The following LEMD1 variants were observed in gnomAD, a reference collection of about 807,000 sequenced individuals.
LEMD1 encodes the protein LEM domain containing 1.
In LEMD1, 18 loss-of-function variants were observed where a neutral mutation model predicts 17.4. That is an observed-to-expected ratio of 1.04 (90% CI 0.72 to 1.54). The LOEUF is 1.54. Ranked by LOEUF, LEMD1 falls within the 40% of genes most tolerant of loss-of-function variation. The pLI is 0.00. For synonymous variants in LEMD1, 88 were observed against 77.8 expected (o/e 1.13, Z -0.69); for missense variants, 195 against 210.4 (o/e 0.93, Z 0.45).
chr1:205,449,616 C>CA (rs1666460333), intron 1 of LEMD1, among the ~76,000 whole-genome samples: 1 of 150,128 alleles, frequency 6.7e-6, no homozygotes, highest in Admixed American at 6.6e-5. Context: ...CAGCACAGCA[C>CA]GCCCCTCCAC....
At chr1:205,414,558 G>A (rs1416182041) in intron 4 of LEMD1, among the ~76,000 whole-genome samples, 1 of 151,978 alleles carries the variant, frequency 6.6e-6, no homozygotes, top group Non-Finnish European at 1.5e-5. Context: ...CCAAGTAGCT[G>A]GGATCACAGG....
intron 2 of LEMD1, 113 bp from the exon 3 acceptor site, chr1:205,419,465 T>G (rs2102438341): frequency 8.2e-7 from 1 of 1,224,860 alleles, no homozygotes; most frequent in Non-Finnish European, 1.2e-6. Flanking sequence ...ACATTATTGG[T>G]TAATTATGGC....
upstream of LEMD1, among the ~76,000 whole-genome samples, chr1:205,424,270 T>C (rs1448628972): frequency 1.3e-5 from 2 of 152,214 alleles, no homozygotes; most frequent in African/African-American, 2.4e-5. Context: ...GTCTCCACTA[T>C]GCAGGCAAAA....
intron 1 of LEMD1, among the ~76,000 whole-genome samples, chr1:205,447,463 T>C (rs1666412017): frequency 6.6e-6 from 1 of 152,078 alleles, no homozygotes; most frequent in African/African-American, 2.4e-5. Context: ...TTAGACAGAC[T>C]GGGGACTGGA....
At chr1:205,425,184 CT>C (rs1283192343), upstream of LEMD1, among the ~76,000 whole-genome samples, 1 of 152,114 alleles carries the variant, frequency 6.6e-6, no homozygotes, top group African/African-American at 2.4e-5. Flanking sequence ...CTGCACTTGT[CT>C]AGTCAACCCT....
intron 1 of LEMD1, among the ~76,000 whole-genome samples, chr1:205,430,928 TC>T (rs747278210): frequency 5.6e-4 from 85 of 152,232 alleles, no homozygotes; most frequent in Non-Finnish European, 9.0e-4. Flanking sequence ...CCTTCACACT[TC>T]CCCTCACCCC....
At chr1:205,425,963 C>T (rs918473067), upstream of LEMD1, among the ~76,000 whole-genome samples, 1 of 152,064 alleles carries the variant, frequency 6.6e-6, no homozygotes, top group Admixed American at 6.6e-5. Context: ...GTTTCCTCTG[C>T]AGTGCCTGGA....
intron 4 of LEMD1, among the ~76,000 whole-genome samples, chr1:205,412,827 G>A (rs1574983402): frequency 6.6e-6 from 1 of 152,152 alleles, no homozygotes; most frequent in African/African-American, 2.4e-5. Flanking sequence ...TTTATTTCAG[G>A]TTTATGTAAA....
At chr1:205,447,805 G>A (rs1666429194) in intron 1 of LEMD1, among the ~76,000 whole-genome samples, 1 of 152,068 alleles carries the variant, frequency 6.6e-6, no homozygotes, top group South Asian at 2.1e-4. Context: ...CTCTTCCCTC[G>A]TGGCCGGCAT....
chr1:205,413,668 T>G (rs74341007), intron 4 of LEMD1, among the ~76,000 whole-genome samples: 1 of 150,536 alleles, frequency 6.6e-6, no homozygotes, highest in African/African-American at 2.5e-5. Flanking sequence ...TTTTTTTTTT[T>G]TGAGAGTCTC....
chr1:205,426,908 G>T (rs937374535), upstream of LEMD1, among the ~76,000 whole-genome samples: 3 of 152,136 alleles, frequency 2.0e-5, no homozygotes, highest in Admixed American at 2.0e-4. Context: ...GAGACCAAGT[G>T]TGTCCCTCAC....
intron 1 of LEMD1, among the ~76,000 whole-genome samples, chr1:205,430,697 G>GC (rs1018252953): frequency 1.3e-5 from 2 of 152,166 alleles, no homozygotes; most frequent in African/African-American, 4.8e-5. Flanking sequence ...CGCCCACACT[G>GC]CCCCAGGAGC....
At chr1:205,447,854 TCTC>T (rs1336852411) in intron 1 of LEMD1, among the ~76,000 whole-genome samples, 1 of 151,728 alleles carries the variant, frequency 6.6e-6, no homozygotes, top group Non-Finnish European at 1.5e-5. Context: ...AGCCCAGAGG[TCTC>T]CTTACACAGA....
intron 4 of LEMD1, among the ~76,000 whole-genome samples, chr1:205,414,512 C>A (rs548219680): frequency 3.9e-5 from 6 of 152,020 alleles, no homozygotes; most frequent in Admixed American, 1.3e-4. Context: ...GCAGCCTCAA[C>A]CTCCCAGGCT....
At chr1:205,410,019 A>G (rs6697700) in intron 4 of LEMD1, among the ~76,000 whole-genome samples, 48,302 of 151,830 alleles carry the variant, frequency 0.32, 8,148 homozygotes, top group African/African-American at 0.42. Flanking sequence ...CAGGTGATCT[A>G]CCCACCTCGG....
intron 4 of LEMD1, among the ~76,000 whole-genome samples, chr1:205,388,033 G>A (rs972709345): frequency 3.3e-5 from 5 of 152,174 alleles, no homozygotes; most frequent in African/African-American, 1.2e-4. Flanking sequence ...TAAGTAGCTT[G>A]CCCATGCTTA....
At chr1:205,383,830 T>C (rs1298474924) in intron 5 of LEMD1, among the ~76,000 whole-genome samples, 1 of 151,624 alleles carries the variant, frequency 6.6e-6, no homozygotes, top group African/African-American at 2.4e-5. Context: ...GAGATGGGGT[T>C]TCACCATGTT....
At chr1:205,431,429 C>T (rs1267498257) in intron 1 of LEMD1, among the ~76,000 whole-genome samples, 1 of 152,230 alleles carries the variant, frequency 6.6e-6, no homozygotes, top group African/African-American at 2.4e-5. Context: ...GGCTATCTGA[C>T]TTGACCCCTG....
intron 1 of LEMD1, among the ~76,000 whole-genome samples, chr1:205,434,708 C>T (rs1405243569): frequency 1.3e-5 from 2 of 152,086 alleles, no homozygotes; most frequent in African/African-American, 2.4e-5. Flanking sequence ...CTTCTTGGCC[C>T]CAACACCTCA....
Sources: allele counts gnomAD v4.1 joint callset (sites outside exome capture counted in the v4.1 genomes callset), GRCh38; gene constraint gnomAD v4.1.1; transcripts MANE v1.5; gene names NCBI Gene and HGNC (gene_info 2026-07-23, HGNC 2026-07-21).